ROBO1: variants seen among roughly 807,000 people sequenced by gnomAD.
ROBO1 encodes the protein roundabout homolog 1.
A neutral mutation model predicts 195.9 loss-of-function variants in ROBO1; 149 were observed. The ratio of observed to expected loss-of-function variants is 0.76; its 90% CI spans 0.67 to 0.87. The LOEUF (loss-of-function observed/expected upper bound fraction) is 0.87. Ranked by LOEUF, ROBO1 falls within the 40% of genes least tolerant of loss-of-function variation. The probability of loss-of-function intolerance (pLI) is 0.00; values close to 1 mark genes in which losing one functional copy is unlikely to be tolerated. For missense variants in ROBO1, 1,933 were observed against 2,068.3 expected, an observed-to-expected ratio of 0.93 and a Z score of 1.27; for synonymous variants, 816 against 733.2, an observed-to-expected ratio of 1.11 and a Z score of -1.82.
chr3:78,917,917 C>T (rs2038713461), intron 4 of ROBO1, among the ~76,000 whole-genome samples: 1 of 152,110 alleles, frequency 6.6e-6, no homozygotes, highest in Non-Finnish European at 1.5e-5. Context: ...TTACACTTTC[C>T]TATGTGAATT....
At chr3:78,890,463 G>A (rs900222926) in intron 4 of ROBO1, among the ~76,000 whole-genome samples, 4 of 152,024 alleles carry the variant, frequency 2.6e-5, no homozygotes, top group South Asian at 2.1e-4. Flanking sequence ...GCTGGAACCC[G>A]ACTTCTAGAC....
rs144582451 is a variant in ROBO1 at position 79,139,112 on chromosome 3, T to C, written c.89-13573A>G. ...CTGACTAAATAAAAGATACCTAATA[T>C]ATATTTAAGCAAGAACATCAATAAC... On this transcript the variant is annotated intron_variant, in intron 2 of 30. Transcript: ENST00000464233. Among the ~76,000 whole-genome samples the C allele has an allele frequency of 3.0e-3, 461 of 151,680 alleles. 3 individuals are homozygous for C. Among genetic ancestry groups the C allele is most frequent in the African/African-American group, 9.5e-3 (394 of 41,480 alleles).
intron 2 of ROBO1, among the ~76,000 whole-genome samples, chr3:79,349,653 C>G (rs1033109331): frequency 2.6e-5 from 4 of 152,114 alleles, no homozygotes; most frequent in African/African-American, 4.8e-5. Context: ...AGCCCAGAAA[C>G]AAACCTATGT....
At chr3:78,616,723 T>C (rs1341872408) in intron 27 of ROBO1, among the ~76,000 whole-genome samples, 1 of 152,162 alleles carries the variant, frequency 6.6e-6, no homozygotes, top group Non-Finnish European at 1.5e-5. Flanking sequence ...CACTCTACTA[T>C]TTAGATTTTC....
chr3:79,526,232 C>T (rs186173477), intron 2 of ROBO1, among the ~76,000 whole-genome samples: 1 of 152,112 alleles, frequency 6.6e-6, no homozygotes, highest in East Asian at 1.9e-4. Context: ...ACATTTTGCT[C>T]GTATATGTGT....
intron 4 of ROBO1, among the ~76,000 whole-genome samples, chr3:78,884,349 C>T (rs193243336): frequency 3.3e-5 from 5 of 152,080 alleles, no homozygotes; most frequent in African/African-American, 1.2e-4. Context: ...TGGTGGCTCA[C>T]GTCTGTAATC....
At chr3:79,608,929 A>G (rs1029683712) in intron 1 of ROBO1, among the ~76,000 whole-genome samples, 1 of 151,870 alleles carries the variant, frequency 6.6e-6, no homozygotes, top group African/African-American at 2.4e-5. Flanking sequence ...TTCCCTTGTG[A>G]ATGGGATTAA....
intron 2 of ROBO1, among the ~76,000 whole-genome samples, chr3:79,468,356 CAT>C (rs1173058795): frequency 6.6e-6 from 1 of 152,128 alleles, no homozygotes; most frequent in African/African-American, 2.4e-5. Context: ...ATATTCTACA[CAT>C]GAGGATACTG....
At chr3:78,930,618 A>T (rs2039467279) in intron 4 of ROBO1, among the ~76,000 whole-genome samples, 1 of 152,202 alleles carries the variant, frequency 6.6e-6, no homozygotes, top group Admixed American at 6.5e-5. Flanking sequence ...CTTGACCTTG[A>T]CCTTGTCATC....
chr3:79,669,573 G>C (rs1946572616), intron 1 of ROBO1, among the ~76,000 whole-genome samples: 1 of 151,856 alleles, frequency 6.6e-6, no homozygotes, highest in Non-Finnish European at 1.5e-5. Flanking sequence ...ATACCACATA[G>C]CCTAGGGATG....
At position 78,646,297 on chromosome 3, in the gene ROBO1, T is replaced by C. The variant is rs547193771; in HGVS notation, c.2840-107A>G. On this transcript the variant is annotated intron_variant, in intron 20 of 30. Coordinates refer to ENST00000464233, the MANE Select transcript of ROBO1 (RefSeq NM_002941.4). ...TAAAATGGAATTCCTTCTGTCTTCC[T>C]AGACAGAAGCATTGCAAAAATCACA... The C allele has an allele frequency of 3.2e-6, 3 of 938,216 alleles. No homozygotes were observed. In the African/African-American group the frequency reaches 5.0e-5, roughly 16 times the overall value. The allele number at this position is 938,216 out of a possible 1,614,324, so 58.1% of individuals were successfully genotyped here.
In ROBO1 at chr3:79,353,575, A is replaced by G. The variant is rs75408400; in HGVS notation, c.89-228036T>C. On this transcript the variant is annotated intron_variant, in intron 2 of 30. Coordinates refer to ENST00000464233, the MANE Select transcript of ROBO1 (RefSeq NM_002941.4). The stretch of plus-strand genomic sequence containing the variant: ...TGGCTTTTACTTGTTCAATCCCTCA[A>G]TCCAAGCGTGTGGACATGGAGGTGC... Among the ~76,000 whole-genome samples, 438 of 152,190 alleles carry G rather than the reference A, an allele frequency of 2.9e-3. 4 individuals are homozygous for G. Among genetic ancestry groups the G allele is most frequent in the Non-Finnish European group, 4.8e-3 (324 of 68,000 alleles).
At chr3:79,484,472 C>A (rs566012459) in intron 2 of ROBO1, among the ~76,000 whole-genome samples, 21 of 151,964 alleles carry the variant, frequency 1.4e-4, no homozygotes, top group African/African-American at 5.1e-4. Context: ...TAAATAAATA[C>A]CACAAATAAG....
chr3:78,786,558 CAT>C (rs1042096953), intron 4 of ROBO1, among the ~76,000 whole-genome samples: 2 of 152,194 alleles, frequency 1.3e-5, no homozygotes, highest in Admixed American at 6.5e-5. Context: ...ATAATCTCCA[CAT>C]GTCGTGGGAG....
At chr3:79,347,602 A>G (rs925107925) in intron 2 of ROBO1, among the ~76,000 whole-genome samples, 1 of 152,212 alleles carries the variant, frequency 6.6e-6, no homozygotes. Flanking sequence ...AGGAATTTCA[A>G]TATTTTCAAC....
At chr3:79,632,477 G>A (rs1945374503) in intron 1 of ROBO1, among the ~76,000 whole-genome samples, 1 of 152,090 alleles carries the variant, frequency 6.6e-6, no homozygotes, top group Non-Finnish European at 1.5e-5. Flanking sequence ...TTCCAAAAAA[G>A]TAGAAGGTAG....
rs936331400 is a variant in ROBO1, at chr3:79,664,200, C to G, written c.-50-74239G>C. Among the ~76,000 whole-genome samples the G allele has an allele frequency of 7.2e-5, 11 of 152,064 alleles. No individual in the cohort carries two copies. The South Asian group carries it at 2.1e-3, about 29-fold the overall frequency. ...TATTAGTCTGGAAATTGCTAGGGGT[C>G]AATGATCACCTCTTAGTAGTTTTCT... On this transcript the variant is annotated intron_variant, in intron 1 of 30. Coordinates refer to ENST00000464233, the MANE Select transcript of ROBO1 (RefSeq NM_002941.4).
At chr3:78,964,893 AGGCTGGTCT>A (rs1342139783) in intron 3 of ROBO1, among the ~76,000 whole-genome samples, 1 of 149,052 alleles carries the variant, frequency 6.7e-6, no homozygotes, top group Non-Finnish European at 1.5e-5. Context: ...TCTGTTACCC[AGGCTGGTCT>A]CAAACCCCTG....
chr3:79,276,852 A>C (rs1429769372), intron 2 of ROBO1, among the ~76,000 whole-genome samples: 1 of 152,110 alleles, frequency 6.6e-6, no homozygotes, highest in Non-Finnish European at 1.5e-5. Context: ...AAATGGCAAC[A>C]GGTTTATGAA....
Sources: gnomAD v4.1 joint callset for allele counts (sites outside exome capture counted in the v4.1 genomes callset) on GRCh38, gnomAD v4.1.1 for gene constraint, MANE v1.5 for transcripts, NCBI Gene and HGNC (gene_info 2026-07-23, HGNC 2026-07-21) for gene names.